The following FILIP1L variants were observed in gnomAD, a reference collection of about 807,000 sequenced individuals.
FILIP1L encodes filamin A-interacting protein 1-like.
Under a neutral mutation model 96.6 loss-of-function variants are expected in FILIP1L, and 55 were observed. The observed-to-expected ratio is 0.57, with a 90% CI of 0.46 to 0.71. The LOEUF (loss-of-function observed/expected upper bound fraction) is 0.71. Among genes scored for constraint, FILIP1L ranks in the 30% least tolerant of loss-of-function variants. FILIP1L has a pLI of 0.00. For missense variants in FILIP1L, 1,304 were observed against 1,321.2 expected, an observed-to-expected ratio of 0.99 and a Z score of 0.20; for synonymous variants, 467 against 473.9, an observed-to-expected ratio of 0.99 and a Z score of 0.19.
chr3:99,893,470 C>G (rs1706156662), intron 4 of FILIP1L, among the ~76,000 whole-genome samples: 1 of 152,076 alleles, frequency 6.6e-6, no homozygotes, highest in Non-Finnish European at 1.5e-5. Context: ...CAGCCGGCAT[C>G]TAGACATTTT....
At chr3:99,927,510 C>G (rs1415945868) in intron 3 of FILIP1L, among the ~76,000 whole-genome samples, 1 of 152,024 alleles carries the variant, frequency 6.6e-6, no homozygotes, top group Non-Finnish European at 1.5e-5. Flanking sequence ...GCTGGGATTA[C>G]AGGCATGTGC....
intron 5 of FILIP1L, among the ~76,000 whole-genome samples, chr3:99,842,973 C>G (rs762819983): frequency 6.6e-6 from 1 of 152,208 alleles, no homozygotes; most frequent in Non-Finnish European, 1.5e-5. Flanking sequence ...GCCCAAAAGC[C>G]TTACCCTTCT....
In FILIP1L at chr3:100,020,096, G is replaced by A. The variant is rs2064781339; in HGVS notation, c.-10-89066C>T. The stretch of plus-strand genomic sequence containing the variant: ...CTTACTATAATCCAGAACTTTGCTA[G>A]CATATCATATACCTTGTAATTTTAT... On this transcript the variant is annotated intron_variant, in intron 1 of 5. Coordinates refer to ENST00000477258, the MANE Select transcript of FILIP1L (RefSeq NM_001387850.1). Among the ~76,000 whole-genome samples, 3 of 152,118 alleles carry A rather than the reference G, an allele frequency of 2.0e-5. No individual in the cohort carries two copies. In the South Asian group the frequency reaches 6.2e-4, roughly 32 times the overall value.
rs183073366 is a variant in FILIP1L at position 100,084,123 on chromosome 3, G to A, written c.-11+29930C>T. ...TTTAAAATAAAGCCTCGGGCCATGA[G>A]ACCCATGTCATTTGCTGCATGTCTA... On this transcript the variant is annotated intron_variant, in intron 1 of 5. Coordinates refer to ENST00000477258, the MANE Select transcript of FILIP1L (RefSeq NM_001387850.1). Among the ~76,000 whole-genome samples the A allele has an allele frequency of 3.3e-5, 5 of 152,224 alleles. No individual in the cohort carries two copies. The East Asian group carries it at 9.6e-4, about 29-fold the overall frequency.
At chr3:99,917,881 G>C (rs1707002405) in intron 4 of FILIP1L, among the ~76,000 whole-genome samples, 1 of 152,174 alleles carries the variant, frequency 6.6e-6, no homozygotes, top group Non-Finnish European at 1.5e-5. Flanking sequence ...AAAGGTACTT[G>C]TTCATGACAA....
At position 99,850,351 on chromosome 3, in the gene FILIP1L, T is replaced by G; in HGVS notation, c.1325A>C (p.Tyr442Ser). 1.2e-6 allele frequency: 2 copies of G among 1,613,142 alleles called. No individual in the cohort carries two copies. The highest frequency in any genetic ancestry group is 2.2e-5 in the South Asian group (2 of 90,830). Reference protein sequence around the residue: ...DAFNKSKQECYSLKCNLEKER... With the variant: ...DAFNKSKQECSSLKCNLEKER... ...TTTTTCTAAATTGCATTTCAGAGAG[T>G]AGCATTCTTGTTTGCTTTTGTTGAA... Residue 442 changes from tyrosine to serine, a missense_variant, in exon 5 of 6, where the codon TAC becomes TCC. Coordinates refer to ENST00000477258, the MANE Select transcript of FILIP1L (RefSeq NM_001387850.1).
intron 1 of FILIP1L, among the ~76,000 whole-genome samples, chr3:100,032,779 G>A (rs1399170395): frequency 6.6e-6 from 1 of 152,158 alleles, no homozygotes; most frequent in Non-Finnish European, 1.5e-5. Flanking sequence ...AAATGGTAAT[G>A]CAGTTGTGTG....
At chr3:99,852,780 C>T (rs142911040) in intron 4 of FILIP1L, among the ~76,000 whole-genome samples, 2 of 152,188 alleles carry the variant, frequency 1.3e-5, no homozygotes, top group Admixed American at 1.3e-4. Context: ...TTAGGGTCAT[C>T]GTCTTGGAAA....
chr3:99,930,908 T>A lies in FILIP1L; in HGVS notation c.113A>T (p.Lys38Ile). ...PKNMKHRQQD[K>I]DSPSESDVIL... is the part of the protein sequence containing the mutation. ...TACATCCGACTCACTGGGGGAGTCT[T>A]TGTCTTGCTGTCTATGCTTCATGTT... The change falls in exon 2 of 6, where the codon AAA (lysine) becomes ATA (isoleucine). Residue 38 changes from lysine (K) to isoleucine (I), a missense_variant. Lys to Ile is a moderately radical substitution (Grantham distance 102). Transcript: ENST00000477258. 6.2e-7 allele frequency: 1 copy of A among 1,613,638 alleles called. No homozygotes were observed. Among genetic ancestry groups the A allele is most frequent in the Admixed American group, 1.7e-5 (1 of 59,944 alleles).
At chr3:100,011,848 A>G (rs1710166020) in intron 1 of FILIP1L, 1 of 152,208 alleles carries the variant, frequency 6.6e-6, no homozygotes, top group Non-Finnish European at 1.5e-5. Context: ...ATAAATAGAT[A>G]CTCATATCAG....
chr3:100,052,007 A>T (rs978978606), intron 1 of FILIP1L, among the ~76,000 whole-genome samples: 2 of 151,318 alleles, frequency 1.3e-5, no homozygotes, highest in African/African-American at 4.8e-5. Context: ...AAAATATTTC[A>T]AGCAAGAAAC....
At chr3:99,887,053 C>T (rs1705924704) in intron 4 of FILIP1L, among the ~76,000 whole-genome samples, 1 of 151,184 alleles carries the variant, frequency 6.6e-6, no homozygotes, top group Non-Finnish European at 1.5e-5. Flanking sequence ...GGGTGGATCA[C>T]CTGAGATTGG....
At chr3:100,043,973 A>G (rs1320193350) in intron 1 of FILIP1L, among the ~76,000 whole-genome samples, 2 of 152,218 alleles carry the variant, frequency 1.3e-5, no homozygotes, top group African/African-American at 2.4e-5. Context: ...TTCACTTAGC[A>G]TGATGTCCTC....
intron 4 of FILIP1L, among the ~76,000 whole-genome samples, chr3:99,862,723 CTG>C (rs754362569): frequency 6.6e-6 from 1 of 152,174 alleles, no homozygotes; most frequent in Non-Finnish European, 1.5e-5. Flanking sequence ...TTTGGGTAGA[CTG>C]TTAGATTCTT....
At position 100,080,095 on chromosome 3, in the gene FILIP1L, T is replaced by C. The variant is rs1000144746; in HGVS notation, c.-11+33958A>G. 2.0e-5 allele frequency among the ~76,000 whole-genome samples: 3 copies of C among 152,092 alleles called. 1 individual carries two copies. Among genetic ancestry groups the C allele is most frequent in the Non-Finnish European group, 4.4e-5 (3 of 68,012 alleles). On this transcript the variant is annotated intron_variant, in intron 1 of 5. Coordinates refer to ENST00000477258, the MANE Select transcript of FILIP1L (RefSeq NM_001387850.1). The stretch of plus-strand genomic sequence containing the variant: ...GCACCCTCTTTTAACTTTTACTCCA[T>C]CCCTCTGCTGAAATAAGCTATTTTT...
intron 1 of FILIP1L, among the ~76,000 whole-genome samples, chr3:100,039,068 A>G (rs2065158080): frequency 2.0e-5 from 3 of 152,232 alleles, no homozygotes; most frequent in African/African-American, 7.2e-5. Context: ...AAAAACTCCT[A>G]AATTTAATGC....
chr3:100,108,369 G>A lies in FILIP1L; in HGVS notation c.-11+5684C>T, dbSNP rs187994129. On this transcript the variant is annotated intron_variant, in intron 1 of 5. Transcript: ENST00000477258. ...CAGCCTCTCATTATTGAGCACTTAT[G>A]TGTCACTAACTGTGCTTATTACTTA... 2.4e-4 allele frequency among the ~76,000 whole-genome samples: 36 copies of A among 152,224 alleles called. 1 individual carries two copies. Among genetic ancestry groups the A allele is most frequent in the Middle Eastern group, 3.4e-3 (1 of 294 alleles).
intron 1 of FILIP1L, among the ~76,000 whole-genome samples, chr3:100,088,586 A>G (rs2066051920): frequency 1.3e-5 from 2 of 152,204 alleles, no homozygotes; most frequent in African/African-American, 2.4e-5. Flanking sequence ...AAAAGTGTCA[A>G]AGCACACCAG....
intron 1 of FILIP1L, among the ~76,000 whole-genome samples, chr3:100,044,646 ATCTTGG>A (rs2065252256): frequency 6.6e-6 from 1 of 152,226 alleles, no homozygotes; most frequent in South Asian, 2.1e-4. Flanking sequence ...ACTGGCAAGA[ATCTTGG>A]TCTTTTCTAA....
Sources: gnomAD v4.1 joint callset for allele counts (sites outside exome capture counted in the v4.1 genomes callset) on GRCh38, gnomAD v4.1.1 for gene constraint, MANE v1.5 for transcripts, NCBI Gene and HGNC (gene_info 2026-07-23, HGNC 2026-07-21) for gene names.